The following EPHB1 variants were observed in gnomAD, a reference collection of about 807,000 sequenced individuals.
EPHB1 encodes the protein ephrin type-B receptor 1.
EPHB1 carries 30 observed loss-of-function variants against 94.4 expected under a neutral mutation model. The observed-to-expected ratio is 0.32, with a 90% confidence interval of 0.24 to 0.43. The LOEUF (loss-of-function observed/expected upper bound fraction) is 0.43, where lower values mean the gene tolerates loss of function less well. Among genes scored for constraint, EPHB1 ranks in the 20% least tolerant of loss-of-function variants. EPHB1 has a pLI of 1.00. For synonymous variants in EPHB1, 522 were observed against 489.1 expected (o/e 1.07, Z -0.89); for missense variants, 1,055 against 1,308.3 (o/e 0.81, Z 2.99).
At chr3:134,818,492 G>C (rs2036312643) in intron 1 of EPHB1, among the ~76,000 whole-genome samples, 1 of 152,164 alleles carries the variant, frequency 6.6e-6, no homozygotes, top group Admixed American at 6.5e-5. Context: ...AGTATACACT[G>C]CACCATATTT....
intron 3 of EPHB1, among the ~76,000 whole-genome samples, chr3:135,020,537 T>G (rs1359826942): frequency 6.6e-6 from 1 of 152,216 alleles, no homozygotes; most frequent in Non-Finnish European, 1.5e-5. Context: ...ATATGGCCTT[T>G]TATAATTGGT....
At chr3:135,055,924 A>G (rs1247040476) in intron 3 of EPHB1, among the ~76,000 whole-genome samples, 3 of 152,106 alleles carry the variant, frequency 2.0e-5, no homozygotes, top group Non-Finnish European at 2.9e-5. Flanking sequence ...GAGGACAGGG[A>G]AGCAGGAAAC....
chr3:134,919,371 C>T (rs958114052), intron 1 of EPHB1, among the ~76,000 whole-genome samples: 1 of 152,118 alleles, frequency 6.6e-6, no homozygotes, highest in African/African-American at 2.4e-5. Flanking sequence ...TGTGCTGGGC[C>T]CAGGCACTGG....
chr3:135,128,805 G>A (rs1048155445), intron 4 of EPHB1, among the ~76,000 whole-genome samples: 3 of 152,162 alleles, frequency 2.0e-5, no homozygotes, highest in African/African-American at 4.8e-5. Flanking sequence ...GGGAGTAAAT[G>A]AGTGAATGAG....
chr3:134,953,380 G>A (rs1235535277), intron 3 of EPHB1, among the ~76,000 whole-genome samples: 1 of 152,224 alleles, frequency 6.6e-6, no homozygotes, highest in African/African-American at 2.4e-5. Context: ...CTTGGTCCTG[G>A]TACCCATGAC....
intron 12 of EPHB1, among the ~76,000 whole-genome samples, chr3:135,207,083 C>G (rs1379428052): frequency 6.6e-6 from 1 of 152,174 alleles, no homozygotes; most frequent in Non-Finnish European, 1.5e-5. Flanking sequence ...CCTAAGTCAC[C>G]TAAATAATGA....
intron 3 of EPHB1, among the ~76,000 whole-genome samples, chr3:135,077,232 G>T (rs1027880359): frequency 6.6e-6 from 1 of 152,196 alleles, no homozygotes; most frequent in African/African-American, 2.4e-5. Flanking sequence ...AGCCTCCAGG[G>T]AAGGCTGCAG....
intron 12 of EPHB1, among the ~76,000 whole-genome samples, chr3:135,238,356 G>A (rs963543889): frequency 6.6e-6 from 1 of 152,192 alleles, no homozygotes; most frequent in Non-Finnish European, 1.5e-5. Context: ...GGAGGGGGGC[G>A]GCGGTGACAG....
At chr3:134,881,806 T>A (rs574517560) in intron 1 of EPHB1, among the ~76,000 whole-genome samples, 13 of 152,304 alleles carry the variant, frequency 8.5e-5, no homozygotes, top group African/African-American at 2.9e-4. Flanking sequence ...TCTGACTTTT[T>A]AAAAAGAACT....
chr3:135,140,007 C>CCACAGGACTCAGGGACCTATTTGCT (rs1940765035), intron 5 of EPHB1, among the ~76,000 whole-genome samples: 1 of 152,058 alleles, frequency 6.6e-6, no homozygotes, highest in African/African-American at 2.4e-5. Flanking sequence ...ACCAGAGTGC[C>CCACAGGACTCAGGGACCTATTTGCT]CACAGGACTC....
chr3:134,994,130 C>T (rs1375498668), intron 3 of EPHB1, among the ~76,000 whole-genome samples: 1 of 152,192 alleles, frequency 6.6e-6, no homozygotes, highest in Admixed American at 6.5e-5. Context: ...GTCTATCTCC[C>T]CAGCAAGATC....
chr3:135,118,829 C>T (rs1006677955), intron 4 of EPHB1, among the ~76,000 whole-genome samples: 1 of 152,126 alleles, frequency 6.6e-6, no homozygotes, highest in Non-Finnish European at 1.5e-5. Context: ...GTGTTTGGGC[C>T]CATTCAGTGT....
chr3:134,843,618 AT>A (rs60655450), intron 1 of EPHB1, among the ~76,000 whole-genome samples: 17,240 of 152,060 alleles, frequency 0.11, 949 homozygotes, highest in South Asian at 0.19. Flanking sequence ...CCATTGATCT[AT>A]CTTCAAATTC....
At chr3:135,005,543 G>A (rs1048507182) in intron 3 of EPHB1, among the ~76,000 whole-genome samples, 6 of 152,292 alleles carry the variant, frequency 3.9e-5, no homozygotes, top group South Asian at 2.1e-4. Context: ...AATGGTGGGC[G>A]CCCCTCCCCC....
At position 135,230,249 on chromosome 3, in the gene EPHB1, T is replaced by TC. The variant is rs1943500901; in HGVS notation, c.2347-10898dup. Among the ~76,000 whole-genome samples, 3 of 152,188 alleles carry TC rather than the reference T, an allele frequency of 2.0e-5. No homozygotes were observed. The South Asian group carries it at 6.2e-4, about 32-fold the overall frequency. The stretch of plus-strand genomic sequence containing the variant: ...TTCCATGGTCCTCCATGCCAGCCTG[T>TC]CACCCAGAGGGCCTAGAGGCTCATT... On this transcript the variant is annotated intron_variant, in intron 12 of 15. Transcript: ENST00000398015.
chr3:134,921,400 C>T (rs989502336), intron 1 of EPHB1, among the ~76,000 whole-genome samples: 5 of 152,216 alleles, frequency 3.3e-5, no homozygotes, highest in Admixed American at 3.3e-4. Flanking sequence ...GGGACAGGCA[C>T]ACCTGTTCCC....
chr3:134,855,798 G>T (rs1480342089), intron 1 of EPHB1, among the ~76,000 whole-genome samples: 2 of 152,266 alleles, frequency 1.3e-5, no homozygotes, highest in East Asian at 3.9e-4. Flanking sequence ...CTGTTGCACT[G>T]CAATAACTCG....
intron 3 of EPHB1, among the ~76,000 whole-genome samples, chr3:135,070,224 G>C (rs892451877): frequency 1.3e-5 from 2 of 152,164 alleles, no homozygotes; most frequent in Non-Finnish European, 1.5e-5. Context: ...ACGCTCTGTT[G>C]CTGCCTAAAA....
At chr3:134,966,012 T>C (rs925828380) in intron 3 of EPHB1, among the ~76,000 whole-genome samples, 18 of 152,206 alleles carry the variant, frequency 1.2e-4, no homozygotes, top group African/African-American at 4.3e-4. Flanking sequence ...TGGCCCTTCC[T>C]TTCAGGCCAC....
Sources: allele counts gnomAD v4.1 joint callset (sites outside exome capture counted in the v4.1 genomes callset), GRCh38; gene constraint gnomAD v4.1.1; transcripts MANE v1.5; gene names NCBI Gene and HGNC (gene_info 2026-07-23, HGNC 2026-07-21).